Variants in TRPV1 observed in about 807,000 individuals in gnomAD.
TRPV1 encodes the protein OTRPC1.
TRPV1 carries 82 observed loss-of-function variants against 82.3 expected under a neutral mutation model. The observed-to-expected ratio is 1.00, with a 90% CI of 0.83 to 1.20. The LOEUF is 1.20. Among genes scored for constraint, TRPV1 ranks in the 50% most tolerant of loss-of-function variants. TRPV1 has a pLI of 0.00. For synonymous variants in TRPV1, 515 were observed against 467.7 expected (o/e 1.10, Z -1.30); for missense variants, 1,067 against 1,096.8 (o/e 0.97, Z 0.38).
chr17:3,574,326 G>C (rs1182691474), intron 13 of TRPV1, among the ~76,000 whole-genome samples: 2 of 152,106 alleles, frequency 1.3e-5, no homozygotes, highest in Non-Finnish European at 2.9e-5. Context: ...GCTCAGAGCA[G>C]AATGACCTCT....
intron 13 of TRPV1, among the ~76,000 whole-genome samples, chr17:3,574,436 C>G (rs544051491): frequency 1.3e-5 from 2 of 152,300 alleles, no homozygotes; most frequent in South Asian, 2.1e-4. Context: ...ATCCACAAAC[C>G]CCCCCGGCCT....
chr17:3,577,557 A>T, intron 12 of TRPV1, 41 bp downstream of exon 12: 1 of 1,551,758 alleles, frequency 6.4e-7, no homozygotes, highest in Non-Finnish European at 8.7e-7. Flanking sequence ...CCACGAGGTA[A>T]GCGGGCTCTG....
At chr17:3,593,143 T>A (rs1272867944) in intron 2 of TRPV1, among the ~76,000 whole-genome samples, 2 of 113,636 alleles carry the variant, frequency 1.8e-5, no homozygotes, top group East Asian at 4.8e-4. Context: ...TGTGTCTGTG[T>A]GTCTCACTCT....
chr17:3,588,463 G>A (rs1326536161), intron 7 of TRPV1, 96 bp from the exon 8 acceptor site: 2 of 1,393,852 alleles, frequency 1.4e-6, no homozygotes, highest in East Asian at 2.5e-5. Context: ...CCCAGCTGGT[G>A]GCCCCACCTA....
chr17:3,603,095 G>A (rs928240264), intron 2 of TRPV1, among the ~76,000 whole-genome samples: 1 of 151,648 alleles, frequency 6.6e-6, no homozygotes, highest in African/African-American at 2.4e-5. Flanking sequence ...ACTCCAGCCT[G>A]GGCAACAAGA....
At chr17:3,609,016 T>C in intron 1 of TRPV1, 1 of 152,490 alleles carries the variant, frequency 6.6e-6, no homozygotes, top group Non-Finnish European at 1.5e-5. Context: ...CTCAGCCTCC[T>C]GAGTAGCTGG....
rs1041588615 is a variant in TRPV1, at chr17:3,572,056, G to C, written c.2231+66C>G. 1.9e-6 allele frequency: 3 copies of C among 1,574,326 alleles called. No individual in the cohort carries two copies. The African/African-American group carries it at 4.0e-5, about 21-fold the overall frequency. On this transcript the variant is annotated intron_variant, in intron 15 of 16. Transcript: ENST00000572705. ...AGCCCCTCATGGAGGCCCTGAGGCAGGCTCTGTGTCCACAGGTGAGCCCCA... is the reference window on the plus strand; with the variant it reads ...AGCCCCTCATGGAGGCCCTGAGGCACGCTCTGTGTCCACAGGTGAGCCCCA...
Position 3,565,781 on chromosome 17 carries a change from GCA to G in TRPV1, c.*1032_*1033del, listed in dbSNP as rs2074753221. 1 of 152,274 alleles carries G rather than the reference GCA, an allele frequency of 6.6e-6. No homozygotes were observed. Among genetic ancestry groups the G allele is most frequent in the Non-Finnish European group, 1.5e-5 (1 of 68,068 alleles). 9.4% of individuals were successfully genotyped at this position (152,274 alleles called of 1,614,324 possible). Reference sequence around the variant, plus strand: ...CGGGCAGGTAAGAGGAGCAAGCACGGCACAGAGAGGAAGGGCCTCTGCATTTT... The same window carrying G: ...CGGGCAGGTAAGAGGAGCAAGCACGGCAGAGAGGAAGGGCCTCTGCATTTT... On this transcript the variant is annotated 3_prime_UTR_variant, in exon 17 of 17. Transcript: ENST00000572705.
chr17:3,586,736 C>T (rs1597536115), intron 8 of TRPV1, among the ~76,000 whole-genome samples: 1 of 152,218 alleles, frequency 6.6e-6, no homozygotes, highest in East Asian at 1.9e-4. Flanking sequence ...CACGCCATTG[C>T]ACTCCAACCT....
intron 11 of TRPV1, chr17:3,578,080 G>A (rs1264315256): frequency 9.3e-6 from 2 of 214,574 alleles, no homozygotes; most frequent in South Asian, 9.6e-5. Context: ...TGAGGCATGC[G>A]GAGCACAAGG....
chr17:3,597,479 G>C (rs2075229839), intron 2 of TRPV1, among the ~76,000 whole-genome samples: 1 of 152,076 alleles, frequency 6.6e-6, no homozygotes, highest in Non-Finnish European at 1.5e-5. Context: ...CTGGCATTAG[G>C]GACTTGTTTT....
chr17:3,603,106 G>T (rs1490324879), intron 2 of TRPV1, among the ~76,000 whole-genome samples: 1 of 151,196 alleles, frequency 6.6e-6, no homozygotes, highest in Non-Finnish European at 1.5e-5. Flanking sequence ...GGCAACAAGA[G>T]CAAAACTCCA....
Position 3,589,833 on chromosome 17 carries a change from G to A in TRPV1, c.1018C>T (p.Leu340=), listed in dbSNP as rs200604391. The change falls in exon 7 of 17, where the codon CTG becomes TTG. Residue 340 remains leucine (L), a synonymous_variant. Coordinates refer to ENST00000572705, the MANE Select transcript of TRPV1 (RefSeq NM_080704.4). The part of the protein sequence containing the change: ...TNKKGMTPLA[L]AAGTGKIGVL... ...CCGATCTTCCCGGTCCCAGCTGCCA[G>A]AGCCAGCGGCGTCATTCCCTTCTTG... 16 of 1,613,744 alleles carry A rather than the reference G, an allele frequency of 9.9e-6. No homozygotes were observed. The highest frequency in any genetic ancestry group is 1.4e-5 in the Non-Finnish European group (16 of 1,179,726).
chr17:3,579,507 G>A (rs1036850064), intron 11 of TRPV1, among the ~76,000 whole-genome samples: 4 of 152,116 alleles, frequency 2.6e-5, no homozygotes, highest in South Asian at 2.1e-4. Context: ...ATGGAATCTC[G>A]CTCTGTTACC....
intron 14 of TRPV1, 82 bp downstream of exon 14, chr17:3,573,551 C>CCCCCCCCCCCCCCCCTG: frequency 2.7e-5 from 17 of 635,234 alleles, no homozygotes; most frequent in South Asian, 2.4e-4. Flanking sequence ...ACCCACCCAC[C>CCCCCCCCCCCCCCCCTG]TGCAGCCAGC....
At chr17:3,588,813 TA>T (rs3837859) in intron 7 of TRPV1, 156,515 of 896,012 alleles carry the variant, frequency 0.17, 6,477 homozygotes, top group East Asian at 0.29. Context: ...AAACCTCATC[TA>T]AAAAAAAAAA....
At chr17:3,576,653 G>GGGAAAAAAAAAAAAAAA (rs1242903015) in intron 13 of TRPV1, among the ~76,000 whole-genome samples, 1 of 41,490 alleles carries the variant, frequency 2.4e-5, no homozygotes, top group African/African-American at 7.3e-5. Context: ...CTCTGTATGA[G>GGGAAAAAAAAAAAAAAA]AAAAAAAAAA....
At chr17:3,604,611 AAAAAAGAAAAAG>A (rs1428393383) in intron 2 of TRPV1, among the ~76,000 whole-genome samples, 3 of 151,880 alleles carry the variant, frequency 2.0e-5, no homozygotes, top group African/African-American at 7.3e-5. Flanking sequence ...CTCAAAAAAA[AAAAAAGAAAAAG>A]AAAAAGAAAA....
At chr17:3,581,563 G>A (rs1466509421) in intron 10 of TRPV1, among the ~76,000 whole-genome samples, 1 of 152,096 alleles carries the variant, frequency 6.6e-6, no homozygotes, top group Admixed American at 6.5e-5. Flanking sequence ...ACTGGATAGA[G>A]CTTATACCAA....
Sources: allele counts gnomAD v4.1 joint callset (sites outside exome capture counted in the v4.1 genomes callset), GRCh38; gene constraint gnomAD v4.1.1; transcripts MANE v1.5; gene names NCBI Gene and HGNC (gene_info 2026-07-23, HGNC 2026-07-21).